Variants in RIMS2 observed in about 807,000 individuals in gnomAD.
The protein encoded by RIMS2 is regulating synaptic membrane exocytosis 2.
A neutral mutation model predicts 174.4 loss-of-function variants in RIMS2; 59 were observed. The observed-to-expected ratio is 0.34, with a 90% CI of 0.27 to 0.42. The LOEUF (loss-of-function observed/expected upper bound fraction) is 0.42. RIMS2 is among the 10% of genes least tolerant of loss of function. The probability of loss-of-function intolerance (pLI) is 1.00; values close to 1 mark genes in which losing one functional copy is unlikely to be tolerated. For missense variants in RIMS2, 1,620 were observed against 1,666.3 expected (o/e 0.97, Z 0.48); for synonymous variants, 606 against 572.5 (o/e 1.06, Z -0.84).
intron 3 of RIMS2, among the ~76,000 whole-genome samples, chr8:103,882,145 T>A (rs916721765): frequency 6.6e-6 from 1 of 151,428 alleles, no homozygotes; most frequent in Non-Finnish European, 1.5e-5. Flanking sequence ...AATATACAAA[T>A]TATCAATGAT....
intron 3 of RIMS2, among the ~76,000 whole-genome samples, chr8:103,778,554 C>A (rs1393661619): frequency 6.6e-6 from 1 of 152,072 alleles, no homozygotes; most frequent in Non-Finnish European, 1.5e-5. Context: ...ATAATGACCT[C>A]CAGTTCCATC....
At chr8:103,594,425 A>G (rs1334845847) in intron 1 of RIMS2, among the ~76,000 whole-genome samples, 1 of 151,596 alleles carries the variant, frequency 6.6e-6, no homozygotes, top group East Asian at 1.9e-4. Context: ...TAATCAATCA[A>G]CAGTATGTAT....
At chr8:103,526,050 G>A (rs1240828335) in intron 1 of RIMS2, among the ~76,000 whole-genome samples, 1 of 152,188 alleles carries the variant, frequency 6.6e-6, no homozygotes, top group African/African-American at 2.4e-5. Context: ...TCCAGTAGAG[G>A]TGGCCAAGAG....
chr8:104,001,793 T>A (rs1287189796), intron 17 of RIMS2, among the ~76,000 whole-genome samples: 1 of 152,098 alleles, frequency 6.6e-6, no homozygotes, highest in Non-Finnish European at 1.5e-5. Context: ...TATTTATTTC[T>A]GTAATGTTTC....
chr8:103,847,449 A>G (rs1310813432), intron 3 of RIMS2, among the ~76,000 whole-genome samples: 1 of 152,144 alleles, frequency 6.6e-6, no homozygotes, highest in South Asian at 2.1e-4. Context: ...TGTTGGGATC[A>G]GTGGATCTCA....
chr8:103,838,329 C>A (rs1015589006), intron 3 of RIMS2, among the ~76,000 whole-genome samples: 1 of 152,096 alleles, frequency 6.6e-6, no homozygotes, highest in South Asian at 2.1e-4. Context: ...TTTCTGCTAG[C>A]AAGGTTTAAA....
intron 19 of RIMS2, chr8:104,223,225 G>C: frequency 4.3e-6 from 1 of 233,892 alleles, no homozygotes; most frequent in Non-Finnish European, 7.2e-6. Flanking sequence ...GCGCGCCCCG[G>C]AGCCACCAGC....
chr8:103,543,208 C>T (rs1843343933), intron 1 of RIMS2, among the ~76,000 whole-genome samples: 2 of 152,248 alleles, frequency 1.3e-5, no homozygotes, highest in African/African-American at 4.8e-5. Context: ...AAATCAGTAG[C>T]ATTTTTGTGC....
intron 19 of RIMS2, among the ~76,000 whole-genome samples, chr8:104,103,844 G>A (rs142418577): frequency 1.6e-3 from 237 of 152,072 alleles, no homozygotes; most frequent in African/African-American, 5.2e-3. Flanking sequence ...ATGTTGATAC[G>A]CCATCATATT....
chr8:103,534,805 G>GT (rs1176825173), intron 1 of RIMS2, among the ~76,000 whole-genome samples: 2 of 151,984 alleles, frequency 1.3e-5, no homozygotes, highest in Non-Finnish European at 2.9e-5. Flanking sequence ...GTAGAAATTT[G>GT]TTTTTTATTG....
chr8:103,673,466 G>A (rs145497590), intron 1 of RIMS2, among the ~76,000 whole-genome samples: 6 of 152,272 alleles, frequency 3.9e-5, no homozygotes, highest in South Asian at 2.1e-4. Flanking sequence ...GGAGGCTGCC[G>A]AGATTGCACT....
At chr8:104,245,133 T>G in intron 20 of RIMS2, 76 bp downstream of exon 26, 1 of 1,452,926 alleles carries the variant, frequency 6.9e-7, no homozygotes, top group Non-Finnish European at 9.5e-7. Context: ...ACAGAGATTT[T>G]CCAACTCTCA....
intron 19 of RIMS2, among the ~76,000 whole-genome samples, chr8:104,123,910 TA>T (rs1189537328): frequency 6.6e-6 from 1 of 152,144 alleles, no homozygotes; most frequent in Non-Finnish European, 1.5e-5. Context: ...GAAAAAATTC[TA>T]AAGTGGATTT....
intron 19 of RIMS2, among the ~76,000 whole-genome samples, chr8:104,059,483 G>C (rs2096936643): frequency 6.6e-6 from 1 of 150,586 alleles, no homozygotes. Flanking sequence ...AGACAATGGG[G>C]TTTTCTAGAT....
At chr8:103,569,677 G>T (rs1397686759) in intron 1 of RIMS2, among the ~76,000 whole-genome samples, 1 of 151,542 alleles carries the variant, frequency 6.6e-6, no homozygotes, top group Admixed American at 6.6e-5. Flanking sequence ...ATATAGTGGT[G>T]TTGATTTCAG....
intron 1 of RIMS2, among the ~76,000 whole-genome samples, chr8:103,503,000 C>T (rs886162088): frequency 4.0e-5 from 6 of 151,802 alleles, no homozygotes; most frequent in Non-Finnish European, 7.4e-5. Context: ...TGTATGTAAA[C>T]CTACATACTA....
At chr8:103,542,886 G>A (rs79412433) in intron 1 of RIMS2, among the ~76,000 whole-genome samples, 9,094 of 152,116 alleles carry the variant, frequency 0.06, 905 homozygotes, top group African/African-American at 0.2. Flanking sequence ...CACAATACAG[G>A]CGTTACATCA....
chr8:103,505,042 T>C (rs1822779086), intron 1 of RIMS2, among the ~76,000 whole-genome samples: 4 of 151,826 alleles, frequency 2.6e-5, no homozygotes, highest in Admixed American at 2.6e-4. Flanking sequence ...CTTGTAGAGA[T>C]GAGGTCTCCC....
intron 3 of RIMS2, among the ~76,000 whole-genome samples, chr8:103,841,750 A>T (rs2098940937): frequency 6.6e-6 from 1 of 152,042 alleles, no homozygotes; most frequent in Admixed American, 6.5e-5. Context: ...AAATAGCTTT[A>T]CATCGACCAG....
Sources: allele counts gnomAD v4.1 joint callset (sites outside exome capture counted in the v4.1 genomes callset), GRCh38; gene constraint gnomAD v4.1.1; transcripts MANE v1.5; gene names NCBI Gene and HGNC (gene_info 2026-07-23, HGNC 2026-07-21).